The following PHACTR2 variants were observed in gnomAD, a reference collection of about 807,000 sequenced individuals.
The protein encoded by PHACTR2 is phosphatase and actin regulator 2, also known as chromosome 6 open reading frame 56.
In PHACTR2, 30 loss-of-function variants were observed where a neutral mutation model predicts 76.0. The observed-to-expected ratio is 0.39, with a 90% CI of 0.30 to 0.54. PHACTR2 has a LOEUF of 0.54. PHACTR2 is among the 20% of genes least tolerant of loss of function. PHACTR2 has a pLI of 0.61. For synonymous variants in PHACTR2, 292 were observed against 292.5 expected (o/e 1.00, Z 0.02); for missense variants, 696 against 781.1 (o/e 0.89, Z 1.30).
chr6:143,574,801 G>A (rs1775486739), intron 1 of PHACTR2, among the ~76,000 whole-genome samples: 1 of 150,988 alleles, frequency 6.6e-6, no homozygotes, highest in South Asian at 2.1e-4. Flanking sequence ...TTTCATTTTT[G>A]TTCTAAATCT....
intron 1 of PHACTR2, among the ~76,000 whole-genome samples, chr6:143,566,212 C>T (rs1264581088): frequency 6.6e-6 from 1 of 152,160 alleles, no homozygotes; most frequent in East Asian, 1.9e-4. Flanking sequence ...AATCCTCCTG[C>T]CTCAGCCTCC....
intron 1 of PHACTR2, among the ~76,000 whole-genome samples, chr6:143,628,616 C>T (rs1313072158): frequency 6.6e-6 from 1 of 152,066 alleles, no homozygotes; most frequent in East Asian, 1.9e-4. Context: ...ACATTAGGCC[C>T]ATCCAGATAA....
intron 1 of PHACTR2, among the ~76,000 whole-genome samples, chr6:143,661,766 A>T (rs755622546): frequency 3.3e-5 from 5 of 152,060 alleles, no homozygotes; most frequent in Non-Finnish European, 7.4e-5. Flanking sequence ...CAGGTTGACC[A>T]GGCTGATGTC....
rs969315176 is a variant in PHACTR2, at chr6:143,656,831, C to T, written c.13+48509C>T. Among the ~76,000 whole-genome samples the T allele has an allele frequency of 1.3e-5, 2 of 152,144 alleles. No homozygotes were observed. The highest frequency in any genetic ancestry group is 4.8e-5 in the African/African-American group (2 of 41,420). On this transcript the variant is annotated intron_variant, in intron 1 of 11. Transcript: ENST00000305766. The surrounding 1 kb of genome is among the most constrained non-coding windows in gnomAD (Gnocchi z 5.3). ...CACAATAGACATGTTAATTCCCAAA[C>T]TTAGTTTCAAAAAAACTATCTGCCA...
rs1776587663 is a variant in PHACTR2 at position 143,828,319 on chromosome 6, G to T, written c.*4630G>T. 6.6e-6 allele frequency: 1 copy of T among 152,166 alleles called. No homozygotes were observed. Among genetic ancestry groups the T allele is most frequent in the Admixed American group, 6.5e-5 (1 of 15,272 alleles). 9.4% of individuals were successfully genotyped at this position (152,166 alleles called of 1,614,324 possible). A position where few individuals can be genotyped will look rare whatever the true frequency, so the allele number is the denominator to read the frequency against. Reference sequence around the variant, plus strand: ...AAGTAGCACTGGGCTCTACTGTAAAGGCAGGCAGTGACCAAGAGGTGGTGG... The same window carrying T: ...AAGTAGCACTGGGCTCTACTGTAAATGCAGGCAGTGACCAAGAGGTGGTGG... On this transcript the variant is annotated 3_prime_UTR_variant, in exon 13 of 13. Transcript: ENST00000440869. The surrounding 1 kb of genome is among the most constrained non-coding windows in gnomAD (Gnocchi z 4.7).
chr6:143,614,019 G>C (rs895445655), intron 1 of PHACTR2, among the ~76,000 whole-genome samples: 1 of 152,102 alleles, frequency 6.6e-6, no homozygotes, highest in Admixed American at 6.5e-5. Flanking sequence ...TCAGGAGTTC[G>C]AGACCAGCCT....
At chr6:143,737,038 A>G (rs1451447725) in intron 2 of PHACTR2, among the ~76,000 whole-genome samples, 1 of 151,876 alleles carries the variant, frequency 6.6e-6, no homozygotes. Flanking sequence ...TCTTAAGAGG[A>G]CTGGAATACA....
rs71024875 is a variant in PHACTR2, at chr6:143,751,791, TACACACACACACAC to T, written c.296-1942_296-1929del. Among the ~76,000 whole-genome samples, 1 of 140,268 alleles carries T rather than the reference TACACACACACACAC, an allele frequency of 7.1e-6. No homozygotes were observed. The highest frequency in any genetic ancestry group is 2.6e-5 in the African/African-American group (1 of 37,926). The allele number at this position is 140,268 out of a possible 152,430, so 92.0% of individuals were successfully genotyped here. A position where few individuals can be genotyped will look rare whatever the true frequency, so the allele number is the denominator to read the frequency against. ...TCCTTTGCTCTGCTTGTATTTTACT[TACACACACACACAC>T]ACACACACACACACACACACTATAT... On this transcript the variant is annotated intron_variant, in intron 3 of 12. Coordinates refer to ENST00000440869, the MANE Select transcript of PHACTR2 (RefSeq NM_001100164.2). The surrounding 1 kb of genome is among the most constrained non-coding windows in gnomAD (Gnocchi z 5.7).
chr6:143,766,247 T>C (rs1779560789), intron 6 of PHACTR2, among the ~76,000 whole-genome samples: 1 of 152,254 alleles, frequency 6.6e-6, no homozygotes, highest in African/African-American at 2.4e-5. Context: ...AGTTGTCCCC[T>C]TTCTTGTTCC....
At chr6:143,572,725 G>T (rs1423781838) in intron 1 of PHACTR2, among the ~76,000 whole-genome samples, 1 of 152,100 alleles carries the variant, frequency 6.6e-6, no homozygotes, top group Admixed American at 6.5e-5. Context: ...GCTAATTTTT[G>T]TATTTTTGGT....
upstream of PHACTR2, among the ~76,000 whole-genome samples, chr6:143,676,175 G>C (rs1279433802): frequency 6.6e-6 from 1 of 152,132 alleles, no homozygotes; most frequent in Admixed American, 6.5e-5. The surrounding 1 kb of genome is among the most constrained non-coding windows in gnomAD (Gnocchi z 4.8). Flanking sequence ...CCTGGTTAGG[G>C]TATTATAGGA....
At chr6:143,640,829 G>A (rs998916310) in intron 1 of PHACTR2, among the ~76,000 whole-genome samples, 5 of 152,142 alleles carry the variant, frequency 3.3e-5, no homozygotes, top group Non-Finnish European at 5.9e-5. Context: ...ACCTTTACAG[G>A]TGTAATTAAG....
chr6:143,594,899 G>A (rs1440162962), intron 1 of PHACTR2, among the ~76,000 whole-genome samples: 3 of 152,174 alleles, frequency 2.0e-5, no homozygotes, highest in Non-Finnish European at 4.4e-5. Context: ...CAGGTCTGTG[G>A]GGATGTTTGA....
chr6:143,683,663 C>G lies in PHACTR2; in HGVS notation c.46+5454C>G, dbSNP rs1027934204. ...TTCAGGGCCCTGTATTTGTCTTGTC[C>G]AGAATATTTATCCATTTCCTTGTAA... On this transcript the variant is annotated intron_variant, in intron 1 of 12. Coordinates refer to ENST00000440869, the MANE Select transcript of PHACTR2 (RefSeq NM_001100164.2). The surrounding 1 kb of genome is among the most constrained non-coding windows in gnomAD (Gnocchi z 4.1). Among the ~76,000 whole-genome samples, 2 of 152,162 alleles carry G rather than the reference C, an allele frequency of 1.3e-5. No individual in the cohort carries two copies. Among genetic ancestry groups the G allele is most frequent in the African/African-American group, 4.8e-5 (2 of 41,434 alleles).
chr6:143,578,062 C>T lies in PHACTR2; in HGVS notation c.217+40855C>T, dbSNP rs1445909199. Among the ~76,000 whole-genome samples, 6 of 152,212 alleles carry T rather than the reference C, an allele frequency of 3.9e-5. No homozygotes were observed. The highest frequency in any genetic ancestry group is 1.4e-4 in the African/African-American group (6 of 41,460). On this transcript the variant is annotated intron_variant, in intron 1 of 11. Coordinates refer to the PHACTR2 transcript ENST00000367584. This position sits in a 1 kb window ranked among gnomAD's most constrained non-coding sequence, Gnocchi z 4.5. The stretch of plus-strand genomic sequence containing the variant: ...CTGTGAGAATTCCACAGTCAACTTG[C>T]TTACTAGGCCCCTCCCTTTCCCTCT...
At chr6:143,704,335 A>G (rs2128459221) in intron 1 of PHACTR2, among the ~76,000 whole-genome samples, 1 of 152,320 alleles carries the variant, frequency 6.6e-6, no homozygotes, top group Non-Finnish European at 1.5e-5. Flanking sequence ...GAATGGAAGT[A>G]TTAGTAAAGG....
At position 143,621,237 on chromosome 6, in the gene PHACTR2, G is replaced by T. The variant is rs1355385106; in HGVS notation, c.13+12915G>T. Among the ~76,000 whole-genome samples the T allele has an allele frequency of 6.6e-6, 1 of 152,196 alleles. No homozygotes were observed. The highest frequency in any genetic ancestry group is 1.5e-5 in the Non-Finnish European group (1 of 68,038). On this transcript the variant is annotated intron_variant, in intron 1 of 11. Coordinates refer to the PHACTR2 transcript ENST00000305766. This position sits in a 1 kb window ranked among gnomAD's most constrained non-coding sequence, Gnocchi z 4.1. ...GGTAGACACCTGGCTTATGAAACGG[G>T]TCTACAGAAAACATCAGGAGGCCCC... is the stretch of plus-strand genomic sequence containing the variant.
At position 143,739,665 on chromosome 6, in the gene PHACTR2, G is replaced by T. The variant is rs977842589; in HGVS notation, c.215-9320G>T. Among the ~76,000 whole-genome samples the T allele has an allele frequency of 1.3e-5, 2 of 152,144 alleles. No homozygotes were observed. The highest frequency in any genetic ancestry group is 2.9e-5 in the Non-Finnish European group (2 of 68,032). ...TGTTACACGTAGCACTCAAATCTTC[G>T]CTTCTAATTACTCTCCTGAGATTGC... On this transcript the variant is annotated intron_variant, in intron 2 of 12. Coordinates refer to ENST00000440869, the MANE Select transcript of PHACTR2 (RefSeq NM_001100164.2). This position sits in a 1 kb window ranked among gnomAD's most constrained non-coding sequence, Gnocchi z 4.3.
chr6:143,830,388 A>G lies in PHACTR2; in HGVS notation c.*6699A>G, dbSNP rs139110865. 8.6e-5 allele frequency: 13 copies of G among 151,156 alleles called. No individual in the cohort carries two copies. The highest frequency in any genetic ancestry group is 3.2e-4 in the African/African-American group (13 of 41,132). The allele number at this position is 151,156 out of a possible 1,614,324, so 9.4% of individuals were successfully genotyped here. A position where few individuals can be genotyped will look rare whatever the true frequency, so the allele number is the denominator to read the frequency against. ...AAAGTGATAACAATGGTAAACTGTG[A>G]TCATTATCAGACTGACTGAATGCTT... is the stretch of plus-strand genomic sequence containing the variant. On this transcript the variant is annotated 3_prime_UTR_variant, in exon 13 of 13. Coordinates refer to ENST00000440869, the MANE Select transcript of PHACTR2 (RefSeq NM_001100164.2).
Sources: allele counts gnomAD v4.1 joint callset (sites outside exome capture counted in the v4.1 genomes callset), GRCh38; gene constraint gnomAD v4.1.1; non-coding constraint Gnocchi (gnomAD v3.1); transcripts MANE v1.5; gene names NCBI Gene and HGNC (gene_info 2026-07-23, HGNC 2026-07-21).